Variants in MRO observed in about 807,000 individuals in gnomAD.
MRO encodes maestro.
MRO carries 28 observed loss-of-function variants against 31.0 expected under a neutral mutation model. The observed-to-expected ratio is 0.90, with a 90% CI of 0.67 to 1.24. The LOEUF (loss-of-function observed/expected upper bound fraction) is 1.24. Ranked by LOEUF, MRO falls within the 50% of genes most tolerant of loss-of-function variation. The pLI is 0.00. For missense variants in MRO, 332 were observed against 289.2 expected (o/e 1.15, Z -1.07); for synonymous variants, 108 against 108.4 (o/e 1.00, Z 0.02).
rs187887512 is a variant in MRO, at chr18:50,800,763, G to A, written c.585+586C>T. On this transcript the variant is annotated intron_variant, in intron 6 of 7. Coordinates refer to ENST00000398439, the MANE Select transcript of MRO (RefSeq NM_031939.6). Reference sequence around the variant, plus strand: ...TAGCAGGGCGTGGTGGTGGGCACCTGTAATCCCAGCTACTCAGGAGGTTGA... The same window carrying A: ...TAGCAGGGCGTGGTGGTGGGCACCTATAATCCCAGCTACTCAGGAGGTTGA... Among the ~76,000 whole-genome samples, 563 of 151,994 alleles carry A rather than the reference G, an allele frequency of 3.7e-3. 4 individuals carry two copies. Among genetic ancestry groups the A allele is most frequent in the African/African-American group, 0.013 (520 of 41,428 alleles).
At chr18:50,802,803 T>G (rs1913486882) in intron 5 of MRO, among the ~76,000 whole-genome samples, 1 of 152,072 alleles carries the variant, frequency 6.6e-6, no homozygotes. Context: ...CAAATGACCC[T>G]CATGCCTCAG....
intron 2 of MRO, among the ~76,000 whole-genome samples, chr18:50,818,317 C>T (rs1240959469): frequency 6.6e-6 from 1 of 152,140 alleles, no homozygotes; most frequent in Non-Finnish European, 1.5e-5. Context: ...GGTCACCTGG[C>T]CATTTGGAAG....
chr18:50,823,080 C>A (rs1248914505), upstream of MRO, among the ~76,000 whole-genome samples: 1 of 152,112 alleles, frequency 6.6e-6, no homozygotes, highest in Non-Finnish European at 1.5e-5. Flanking sequence ...GACAGAGAGG[C>A]ATATGAGAAA....
intron 2 of MRO, among the ~76,000 whole-genome samples, chr18:50,810,481 G>A (rs1199458453): frequency 1.3e-5 from 2 of 152,244 alleles, no homozygotes; most frequent in South Asian, 2.1e-4. Flanking sequence ...CATAGGAGAA[G>A]GAAAAATACA....
intron 7 of MRO, among the ~76,000 whole-genome samples, chr18:50,799,657 T>C (rs1279571978): frequency 6.6e-6 from 1 of 152,214 alleles, no homozygotes; most frequent in African/African-American, 2.4e-5. Context: ...ATGCCTGTAA[T>C]CCCAGTACTT....
chr18:50,805,615 G>A (rs1043104543), intron 4 of MRO, among the ~76,000 whole-genome samples: 1 of 152,190 alleles, frequency 6.6e-6, no homozygotes, highest in Non-Finnish European at 1.5e-5. Context: ...GCAGACCTGG[G>A]TGATCTCAGG....
intron 3 of MRO, among the ~76,000 whole-genome samples, chr18:50,808,142 G>A (rs147867535): frequency 7.2e-5 from 11 of 152,300 alleles, no homozygotes; most frequent in Admixed American, 1.3e-4. Flanking sequence ...TGCAGGGCCA[G>A]GGATGGGGCA....
upstream of MRO, among the ~76,000 whole-genome samples, chr18:50,820,733 A>G (rs1461822956): frequency 6.6e-6 from 1 of 152,226 alleles, no homozygotes; most frequent in Non-Finnish European, 1.5e-5. Flanking sequence ...GACAAAGGTC[A>G]TGCAGTTAAT....
At chr18:50,824,613 CCTGA>C (rs1915439442), upstream of MRO, among the ~76,000 whole-genome samples, 2 of 150,952 alleles carry the variant, frequency 1.3e-5, no homozygotes, top group South Asian at 4.2e-4. Context: ...TGCCACCATG[CCTGA>C]CTAATTTTTT....
upstream of MRO, chr18:50,820,026 T>C: frequency 7.0e-7 from 1 of 1,422,644 alleles, no homozygotes; most frequent in African/African-American, 1.4e-5. Flanking sequence ...TGGGGACCTT[T>C]CCTCTGCACC....
At chr18:50,802,964 T>C (rs1469843471) in intron 5 of MRO, among the ~76,000 whole-genome samples, 1 of 151,256 alleles carries the variant, frequency 6.6e-6, no homozygotes, top group Non-Finnish European at 1.5e-5. Context: ...TAATGGAGAA[T>C]GTACCCCATT....
In MRO at chr18:50,819,662, C is replaced by G. The variant is rs757433930; in HGVS notation, c.-86G>C. 18 of 1,551,250 alleles carry G rather than the reference C, an allele frequency of 1.2e-5. No homozygotes were observed. Among genetic ancestry groups the G allele is most frequent in the Non-Finnish European group, 1.6e-5 (18 of 1,146,856 alleles). On this transcript the variant is annotated 5_prime_UTR_variant, in exon 2 of 8. Transcript: ENST00000398439. ...GAGGGCTGCTTTCCCGGGTAGTAGCCAAATGTGATGACTCGGCTAAATTTT... is the reference window on the plus strand; with the variant it reads ...GAGGGCTGCTTTCCCGGGTAGTAGCGAAATGTGATGACTCGGCTAAATTTT...
rs1465239710 is a variant in MRO, at chr18:50,806,704, C to G, written c.246G>C (p.Lys82Asn). Residue 82 changes from lysine to asparagine, a missense_variant and splice_region_variant, in exon 4 of 8, where the codon AAG (lysine) becomes AAC (asparagine). Coordinates refer to ENST00000398439, the MANE Select transcript of MRO (RefSeq NM_031939.6). ...LGTMAYEAPDKVRKYKKIVLD... is the reference protein window; with the variant it reads ...LGTMAYEAPDNVRKYKKIVLD... The stretch of plus-strand genomic sequence containing the variant: ...GCTGAGCCCCACTCTCCTTCCCTAC[C>G]TTGTCAGGGGCTTCATAGGCCATGG... The G allele has an allele frequency of 3.1e-6, 5 of 1,614,142 alleles. No homozygotes were observed. In the Admixed American group the frequency reaches 5.0e-5, roughly 16 times the overall value.
intron 7 of MRO, 107 bp from the exon 8 acceptor site, chr18:50,799,497 A>T (rs1568123234): frequency 1.6e-5 from 15 of 913,850 alleles, no homozygotes; most frequent in Non-Finnish European, 1.8e-5. Flanking sequence ...TAAGCAGGAG[A>T]GGTGGAGGCA....
rs1915210394 is a variant in MRO, at chr18:50,819,616, C to T, written c.-40G>A. On this transcript the variant is annotated 5_prime_UTR_variant, in exon 2 of 8. Transcript: ENST00000398439. ...TGCAGGCGGCTGCCACGTGATGAAC[C>T]GGAGCCCGTTCCTGACTCGGGAGGG... is the stretch of plus-strand genomic sequence containing the variant. 1.3e-6 allele frequency: 2 copies of T among 1,551,482 alleles called. No homozygotes were observed. The highest frequency in any genetic ancestry group is 2.0e-5 in the Admixed American group (1 of 50,974).
At chr18:50,801,981 G>C (rs1913379904) in intron 5 of MRO, among the ~76,000 whole-genome samples, 1 of 152,094 alleles carries the variant, frequency 6.6e-6, no homozygotes, top group South Asian at 2.1e-4. Flanking sequence ...AAAAAATAAA[G>C]AAGAAAGATG....
upstream of MRO, among the ~76,000 whole-genome samples, chr18:50,822,534 C>T (rs1232520270): frequency 3.3e-5 from 5 of 152,026 alleles, 1 homozygote; most frequent in Admixed American, 2.6e-4. Context: ...GACGGGGTTT[C>T]ACCATGTTGG....
At chr18:50,820,511 G>C (rs1228604564), upstream of MRO, among the ~76,000 whole-genome samples, 1 of 151,910 alleles carries the variant, frequency 6.6e-6, no homozygotes, top group Non-Finnish European at 1.5e-5. Context: ...AATATGTCCT[G>C]AAAGGAAAAA....
At position 50,797,687 on chromosome 18, in the gene MRO, C is replaced by T. The variant is rs1912900589; in HGVS notation, c.*1650G>A. On this transcript the variant is annotated 3_prime_UTR_variant, in exon 8 of 8. Transcript: ENST00000398439. ...CATTTCTCAGACCACTCACTGATCA[C>T]TTAATGGAACTGCATCAAGTTTAAA... The T allele has an allele frequency of 6.6e-6, 1 of 152,210 alleles. No homozygotes were observed. The highest frequency in any genetic ancestry group is 2.4e-5 in the African/African-American group (1 of 41,440). The allele number at this position is 152,210 out of a possible 1,614,324, so 9.4% of individuals were successfully genotyped here.
Sources: allele counts gnomAD v4.1 joint callset (sites outside exome capture counted in the v4.1 genomes callset), GRCh38; gene constraint gnomAD v4.1.1; transcripts MANE v1.5; gene names NCBI Gene and HGNC (gene_info 2026-07-23, HGNC 2026-07-21).